KALRN: variants seen among roughly 807,000 people sequenced by gnomAD.
KALRN encodes kalirin RhoGEF kinase, also known as kalirin.
A neutral mutation model predicts 353.7 loss-of-function variants in KALRN; 70 were observed. That is an observed-to-expected ratio of 0.20 (90% CI 0.16 to 0.24). The LOEUF is 0.24. Ranked by LOEUF, KALRN falls within the 10% of genes least tolerant of loss-of-function variation. The pLI, the probability that KALRN is intolerant of heterozygous loss-of-function variation, is 1.00. For missense variants in KALRN, 2,791 were observed against 3,756.7 expected (o/e 0.74, Z 6.72); for synonymous variants, 1,391 against 1,434.8 (o/e 0.97, Z 0.69).
intron 1 of KALRN, chr3:124,094,536 C>G (rs1468788406): frequency 2.3e-6 from 1 of 439,516 alleles, no homozygotes; most frequent in Non-Finnish European, 4.2e-6. Context: ...CTGCAAACCT[C>G]GCGTCTTTGC....
At chr3:124,165,125 G>C (rs1041286391) in intron 1 of KALRN, among the ~76,000 whole-genome samples, 5 of 152,186 alleles carry the variant, frequency 3.3e-5, no homozygotes, top group Non-Finnish European at 7.3e-5. Flanking sequence ...ACATTGTTCA[G>C]AGTTTTAAAT....
intron 3 of KALRN, among the ~76,000 whole-genome samples, chr3:124,237,549 G>C (rs1017458016): frequency 6.6e-6 from 1 of 152,066 alleles, no homozygotes; most frequent in Non-Finnish European, 1.5e-5. Flanking sequence ...TTTTATTAGA[G>C]ATGGGGTTTC....
intron 1 of KALRN, among the ~76,000 whole-genome samples, chr3:124,065,953 A>G (rs1413766749): frequency 1.3e-5 from 2 of 152,136 alleles, no homozygotes; most frequent in Non-Finnish European, 2.9e-5. Flanking sequence ...GAGACATCCA[A>G]CTCAGCTCAC....
At chr3:124,658,305 G>T (rs760156889) in intron 41 of KALRN, 126 bp from the exon 42 acceptor site, 10 of 732,740 alleles carry the variant, frequency 1.4e-5, no homozygotes, top group Non-Finnish European at 2.2e-5. Flanking sequence ...TTGATATTCA[G>T]CTGCCTTGGT....
intron 1 of KALRN, among the ~76,000 whole-genome samples, chr3:124,051,087 G>A (rs1337715639): frequency 2.6e-5 from 4 of 152,200 alleles, no homozygotes; most frequent in Non-Finnish European, 5.9e-5. Context: ...GGGATTCCAT[G>A]TATATACATG....
At position 124,724,490 on chromosome 3, in the gene KALRN, T is replaced by G. The variant is rs990884426; in HGVS notation, c.*5020T>G. 6.6e-6 allele frequency: 1 copy of G among 152,176 alleles called. No individual in the cohort carries two copies. Among genetic ancestry groups the G allele is most frequent in the Admixed American group, 6.5e-5 (1 of 15,274 alleles). 9.4% of individuals were successfully genotyped at this position (152,176 alleles called of 1,614,324 possible). A position where few individuals can be genotyped will look rare whatever the true frequency, so the allele number is the denominator to read the frequency against. ...TCACTATTTAAAGCCTAGGGATGAT[T>G]TGATGATGAATGATTAAACCCATGG... On this transcript the variant is annotated 3_prime_UTR_variant, in exon 60 of 60. Transcript: ENST00000682506.
At chr3:124,257,108 C>T (rs1483472620) in intron 3 of KALRN, among the ~76,000 whole-genome samples, 2 of 152,230 alleles carry the variant, frequency 1.3e-5, no homozygotes, top group African/African-American at 4.8e-5. Context: ...CAACAGGCTT[C>T]TGTATGGTGT....
chr3:124,178,926 G>A (rs747337164), intron 1 of KALRN, among the ~76,000 whole-genome samples: 5 of 152,062 alleles, frequency 3.3e-5, no homozygotes, highest in African/African-American at 4.8e-5. Context: ...GCAACATAAC[G>A]ACCCAGTCTC....
chr3:124,396,325 A>G (rs2090152137), intron 12 of KALRN, among the ~76,000 whole-genome samples: 1 of 152,174 alleles, frequency 6.6e-6, no homozygotes, highest in Non-Finnish European at 1.5e-5. Context: ...AGGCCCTGGC[A>G]TGTTTTTCTG....
chr3:124,716,326 C>A (rs1431407861), intron 58 of KALRN, among the ~76,000 whole-genome samples: 1 of 152,152 alleles, frequency 6.6e-6, no homozygotes, highest in South Asian at 2.1e-4. Flanking sequence ...GAGTTTGAGA[C>A]CAGCCTGGCC....
At chr3:124,361,134 A>G (rs1233009869) in intron 10 of KALRN, among the ~76,000 whole-genome samples, 1 of 152,210 alleles carries the variant, frequency 6.6e-6, no homozygotes, top group African/African-American at 2.4e-5. Flanking sequence ...GGAGGTGGCA[A>G]GATGTGAACC....
chr3:124,575,052 C>A (rs1259819714), intron 34 of KALRN, among the ~76,000 whole-genome samples: 1 of 152,266 alleles, frequency 6.6e-6, no homozygotes, highest in East Asian at 1.9e-4. Flanking sequence ...TGCAAACAAG[C>A]ATGAGAAGTC....
chr3:124,525,064 A>G (rs2067472516), intron 33 of KALRN, among the ~76,000 whole-genome samples: 1 of 152,146 alleles, frequency 6.6e-6, no homozygotes, highest in African/African-American at 2.4e-5. Flanking sequence ...ACCTGTTTTT[A>G]CTGGTTCTGA....
intron 5 of KALRN, among the ~76,000 whole-genome samples, chr3:124,286,256 G>GCT (rs756770896): frequency 2.4e-5 from 3 of 122,978 alleles, no homozygotes; most frequent in African/African-American, 6.2e-5. Context: ...TTTCTCTCTT[G>GCT]CTCTCTCTCT....
intron 1 of KALRN, among the ~76,000 whole-genome samples, chr3:124,207,661 T>C (rs559090324): frequency 6.6e-6 from 1 of 152,296 alleles, no homozygotes. Context: ...TCTATGACCT[T>C]GGGTGCATTA....
At chr3:124,664,011 T>C (rs1163040542) in intron 45 of KALRN, among the ~76,000 whole-genome samples, 2 of 152,156 alleles carry the variant, frequency 1.3e-5, no homozygotes, top group Admixed American at 6.5e-5. Flanking sequence ...TTTCATAGGC[T>C]CTTGGTCTTC....
intron 34 of KALRN, among the ~76,000 whole-genome samples, chr3:124,585,699 TTCATG>T (rs1304537298): frequency 6.6e-6 from 1 of 152,322 alleles, no homozygotes; most frequent in East Asian, 1.9e-4. Context: ...CCTAAGGCTG[TTCATG>T]TCACTTTAAC....
At chr3:124,573,321 AG>A (rs1382787388) in intron 34 of KALRN, among the ~76,000 whole-genome samples, 1 of 152,174 alleles carries the variant, frequency 6.6e-6, no homozygotes, top group African/African-American at 2.4e-5. Context: ...AACTCCAACA[AG>A]GTAGACTTTG....
chr3:124,202,353 C>T (rs1027567854), intron 1 of KALRN, among the ~76,000 whole-genome samples: 4 of 152,124 alleles, frequency 2.6e-5, no homozygotes, highest in South Asian at 2.1e-4. Context: ...CAGGCTCAAG[C>T]GATTTTCCCA....
Sources: allele counts gnomAD v4.1 joint callset (sites outside exome capture counted in the v4.1 genomes callset), GRCh38; gene constraint gnomAD v4.1.1; transcripts MANE v1.5; gene names NCBI Gene and HGNC (gene_info 2026-07-23, HGNC 2026-07-21).